RLIM: variants seen among roughly 807,000 people sequenced by gnomAD.
RLIM encodes the protein E3 ubiquitin-protein ligase RLIM.
Under a neutral mutation model 34.0 loss-of-function variants are expected in RLIM, and 2 were observed. That is an observed-to-expected ratio of 0.06 (90% CI 0.02 to 0.19). The LOEUF is 0.19. Among genes scored for constraint, RLIM ranks in the 10% least tolerant of loss-of-function variants. The pLI is 1.00. For missense variants in RLIM, 286 were observed against 479.7 expected, an observed-to-expected ratio of 0.60 and a Z score of 3.77; for synonymous variants, 169 against 164.0, an observed-to-expected ratio of 1.03 and a Z score of -0.23.
chrX:74,610,884 C>T (rs764381729), intron 1 of RLIM, among the ~76,000 whole-genome samples: 7 of 105,874 alleles, frequency 6.6e-5, no homozygotes, highest in East Asian at 5.9e-4. Flanking sequence ...AGTGAGACTC[C>T]GTCTCAAAAA....
chrX:74,603,701 T>C (rs1480582402), intron 1 of RLIM, among the ~76,000 whole-genome samples: 1 of 111,883 alleles, frequency 8.9e-6, no homozygotes, highest in Admixed American at 9.5e-5. Context: ...CCAAAAGAGA[T>C]ACAATTTGAA....
chrX:74,601,426 G>C (rs918843026), intron 1 of RLIM, among the ~76,000 whole-genome samples: 1 of 111,883 alleles, frequency 8.9e-6, no homozygotes, highest in East Asian at 2.8e-4. Context: ...GGAAAATTCT[G>C]CAAATACATT....
At chrX:74,608,427 T>TAAA (rs763197483) in intron 1 of RLIM, among the ~76,000 whole-genome samples, 1 of 77,891 alleles carries the variant, frequency 1.3e-5, no homozygotes, top group Non-Finnish European at 2.6e-5. Flanking sequence ...AAAGCATTCC[T>TAAA]AAAAAAAAAA....
At position 74,589,064 on chromosome X, in the gene RLIM, A is replaced by C. The variant is rs755137541; in HGVS notation, c.*2376T>G. Reference sequence around the variant, plus strand: ...GCTTAAAATTCTATTTCCAGTGTTTATGAATAGCTTCAATATCTACATTCA... The same window carrying C: ...GCTTAAAATTCTATTTCCAGTGTTTCTGAATAGCTTCAATATCTACATTCA... On this transcript the variant is annotated 3_prime_UTR_variant, in exon 4 of 4. Transcript: ENST00000332687. 1.8e-5 allele frequency: 2 copies of C among 112,192 alleles called. No individual in the cohort carries two copies. Among genetic ancestry groups the C allele is most frequent in the African/African-American group, 6.5e-5 (2 of 30,963 alleles). The allele number at this position is 112,192 out of a possible 1,213,427, so 9.2% of individuals were successfully genotyped here. A position where few individuals can be genotyped will look rare whatever the true frequency, so the allele number is the denominator to read the frequency against.
At chrX:74,610,080 T>C (rs1182797626) in intron 1 of RLIM, among the ~76,000 whole-genome samples, 1 of 112,381 alleles carries the variant, frequency 8.9e-6, no homozygotes, top group Non-Finnish European at 1.9e-5. Flanking sequence ...AGATTATTTG[T>C]CTCACAGATA....
At chrX:74,596,523 A>G (rs2079640746) in intron 1 of RLIM, among the ~76,000 whole-genome samples, 1 of 112,360 alleles carries the variant, frequency 8.9e-6, no homozygotes, top group African/African-American at 3.2e-5. Context: ...CTGGGATTAC[A>G]GGCATGAGCC....
chrX:74,606,833 A>C (rs1170184575), intron 1 of RLIM, among the ~76,000 whole-genome samples: 4 of 111,863 alleles, frequency 3.6e-5, no homozygotes, highest in Non-Finnish European at 5.6e-5. Flanking sequence ...AAAGTGAGTC[A>C]TCTTGGCTGG....
Position 74,583,583 on chromosome X carries a change from G to A in RLIM, c.*7857C>T. 1 of 482,649 alleles carries A rather than the reference G, an allele frequency of 2.1e-6. No individual in the cohort carries two copies. Among genetic ancestry groups the A allele is most frequent in the Middle Eastern group, 5.5e-4 (1 of 1,810 alleles). The allele number at this position is 482,649 out of a possible 1,213,427, so 39.8% of individuals were successfully genotyped here. A position where few individuals can be genotyped will look rare whatever the true frequency, so the allele number is the denominator to read the frequency against. On this transcript the variant is annotated 3_prime_UTR_variant, in exon 4 of 4. Coordinates refer to ENST00000332687, the MANE Select transcript of RLIM (RefSeq NM_016120.4). ...TATTCCAGTCTATTTTGAGACTTCTGGAAATAAAACACCTTGATACCGTTT... is the reference window on the plus strand; with the variant it reads ...TATTCCAGTCTATTTTGAGACTTCTAGAAATAAAACACCTTGATACCGTTT...
Position 74,591,488 on chromosome X carries a change from A to T in RLIM, c.1827T>A (p.Ile609=). The T allele has an allele frequency of 1.7e-6, 2 of 1,211,058 alleles. No homozygotes were observed. The highest frequency in any genetic ancestry group is 2.2e-6 in the Non-Finnish European group (2 of 894,628). Residue 609 remains isoleucine, a synonymous_variant, in exon 4 of 4, where the codon ATT becomes ATA. Coordinates refer to ENST00000332687, the MANE Select transcript of RLIM (RefSeq NM_016120.4). ...RWLSENSTCP[I]CRRAVLASGN... ...CAGAAGCTAAGACTGCTCTGCGACAAATAGGACAGGTAGAATTCTCAGATA... is the reference window on the plus strand; with the variant it reads ...CAGAAGCTAAGACTGCTCTGCGACATATAGGACAGGTAGAATTCTCAGATA...
intron 1 of RLIM, among the ~76,000 whole-genome samples, chrX:74,600,490 G>A (rs1223014904): frequency 2.7e-5 from 3 of 111,334 alleles, no homozygotes; most frequent in East Asian, 2.8e-4. Flanking sequence ...TTAATAAAGC[G>A]GTTAGTAGTT....
intron 1 of RLIM, among the ~76,000 whole-genome samples, chrX:74,601,845 T>C (rs771806629): frequency 1.5e-4 from 17 of 111,697 alleles, no homozygotes; most frequent in African/African-American, 4.2e-4. Flanking sequence ...ATTCAGTAGA[T>C]TGGGGTAGGG....
rs780820346 is a variant in RLIM, at chrX:74,591,908, G to T, written c.1407C>A (p.Ser469=). Residue 469 remains serine, a synonymous_variant, in exon 4 of 4, where the codon TCC becomes TCA. Coordinates refer to ENST00000332687, the MANE Select transcript of RLIM (RefSeq NM_016120.4). ...SSSSSSSSSS[S]SSSSSSSPSS... is the part of the protein sequence containing the mutation. Reference sequence around the variant, plus strand: ...TAGGACTGGAACTGGAACTTGAACTGGAACTGGAACTCGAACTGGAACTGG... The same window carrying T: ...TAGGACTGGAACTGGAACTTGAACTTGAACTGGAACTCGAACTGGAACTGG... 56 of 1,183,853 alleles carry T rather than the reference G, an allele frequency of 4.7e-5. No homozygotes were observed. Among genetic ancestry groups the T allele is most frequent in the South Asian group, 3.9e-5 (2 of 51,811 alleles).
In RLIM at chrX:74,586,438, G is replaced by A. The variant is rs185886225; in HGVS notation, c.*5002C>T. On this transcript the variant is annotated 3_prime_UTR_variant, in exon 4 of 4. Coordinates refer to ENST00000332687, the MANE Select transcript of RLIM (RefSeq NM_016120.4). ...AGCCCAACTGACCATAAAGCAGCTC[G>A]TGGAACTTTAATAAACAAATCCTAA... 6.2e-5 allele frequency: 7 copies of A among 112,246 alleles called. No homozygotes were observed. Among genetic ancestry groups the A allele is most frequent in the East Asian group, 2.8e-4 (1 of 3,584 alleles). The allele number at this position is 112,246 out of a possible 1,213,427, so 9.3% of individuals were successfully genotyped here.
intron 1 of RLIM, among the ~76,000 whole-genome samples, chrX:74,604,896 T>C (rs1322152238): frequency 1.8e-5 from 2 of 111,413 alleles, no homozygotes; most frequent in Non-Finnish European, 3.8e-5. Context: ...TGCTGTCTCC[T>C]TTCCTGCTAC....
Position 74,591,796 on chromosome X carries a change from C to T in RLIM, c.1519G>A (p.Gly507Ser). 1 of 1,211,275 alleles carries T rather than the reference C, an allele frequency of 8.3e-7. No individual in the cohort carries two copies. The highest frequency in any genetic ancestry group is 1.1e-6 in the Non-Finnish European group (1 of 895,389). Reference protein sequence around the residue: ...NEGSSSSGSSGARREGRHRAP... With the variant: ...NEGSSSSGSSSARREGRHRAP... Reference sequence around the variant, plus strand: ...CTATGTCGACCCTCTCGCCTGGCACCTGATGAGCCTGATGATGAGCTTCCT... The same window carrying T: ...CTATGTCGACCCTCTCGCCTGGCACTTGATGAGCCTGATGATGAGCTTCCT... Residue 507 changes from glycine (G) to serine (S), a missense_variant, in exon 4 of 4, where the codon GGT (glycine) becomes AGT (serine). Physicochemically the swap from Gly to Ser is moderately conservative, Grantham distance 56. This residue lies in a region of RLIM where 69 missense variants were observed against 83.5 expected (regional missense o/e 0.83). Transcript: ENST00000332687.
chrX:74,602,636 T>C (rs1314999394), intron 1 of RLIM, among the ~76,000 whole-genome samples: 3 of 110,429 alleles, frequency 2.7e-5, no homozygotes, highest in African/African-American at 9.9e-5. Flanking sequence ...ACTCGGGAGG[T>C]TGAGGCAGGA....
rs762537618 is a variant in RLIM at position 74,587,557 on chromosome X, A to G, written c.*3883T>C. ...AGAATAAAAACATTCTCCATCTTTAAAAGAAAAAATATTAACAACCATAAG... is the reference window on the plus strand; with the variant it reads ...AGAATAAAAACATTCTCCATCTTTAGAAGAAAAAATATTAACAACCATAAG... On this transcript the variant is annotated 3_prime_UTR_variant, in exon 4 of 4. Transcript: ENST00000332687. The G allele has an allele frequency of 1.8e-5, 2 of 112,040 alleles. No individual in the cohort carries two copies. Among genetic ancestry groups the G allele is most frequent in the South Asian group, 7.4e-4 (2 of 2,712 alleles). The allele number at this position is 112,040 out of a possible 1,213,427, so 9.2% of individuals were successfully genotyped here. A position where few individuals can be genotyped will look rare whatever the true frequency, so the allele number is the denominator to read the frequency against.
intron 1 of RLIM, among the ~76,000 whole-genome samples, chrX:74,608,141 G>A (rs1325241972): frequency 8.9e-6 from 1 of 111,772 alleles, no homozygotes; most frequent in African/African-American, 3.3e-5. Context: ...TTGGTTATGT[G>A]GATTTGGCCA....
At chrX:74,596,383 C>G (rs927442336) in intron 1 of RLIM, among the ~76,000 whole-genome samples, 2 of 111,649 alleles carry the variant, frequency 1.8e-5, no homozygotes, top group Non-Finnish European at 3.8e-5. Context: ...GTAGCTGGGA[C>G]GACAGGCACC....
Sources: allele counts gnomAD v4.1 joint callset (sites outside exome capture counted in the v4.1 genomes callset), GRCh38; gene constraint gnomAD v4.1.1; regional missense constraint gnomAD v4.1.1; transcripts MANE v1.5; gene names NCBI Gene and HGNC (gene_info 2026-07-23, HGNC 2026-07-21).